LRP2: variants seen among roughly 807,000 people sequenced by gnomAD.
LRP2 encodes low-density lipoprotein receptor-related protein 2.
LRP2 carries 172 observed loss-of-function variants against 531.0 expected under a neutral mutation model. The ratio of observed to expected loss-of-function variants is 0.32; its 90% CI spans 0.29 to 0.37. The LOEUF is 0.37. LRP2 is among the 10% of genes least tolerant of loss of function. The pLI, the probability that LRP2 is intolerant of heterozygous loss-of-function variation, is 1.00. For missense variants in LRP2, 5,167 were observed against 5,868.3 expected (o/e 0.88, Z 3.90); for synonymous variants, 1,992 against 2,027.6 (o/e 0.98, Z 0.47).
At chr2:169,360,147 AAGAGAG>A (rs1188079646) in intron 1 of LRP2, among the ~76,000 whole-genome samples, 10 of 44,026 alleles carry the variant, frequency 2.3e-4, no homozygotes, top group Admixed American at 3.0e-4. Context: ...AAAAAAAAAA[AAGAGAG>A]AGAGAGAGAG....
intron 49 of LRP2, among the ~76,000 whole-genome samples, 191 bp downstream of exon 49, chr2:169,187,779 T>C (rs1687683853): frequency 6.6e-6 from 1 of 152,194 alleles, no homozygotes; most frequent in Admixed American, 6.5e-5. Flanking sequence ...AAGCAAAGAA[T>C]TGGTCCAAAA....
chr2:169,285,834 A>C (rs997404621), intron 9 of LRP2, among the ~76,000 whole-genome samples: 1 of 152,222 alleles, frequency 6.6e-6, no homozygotes, highest in African/African-American at 2.4e-5. Context: ...AGAAAGACAC[A>C]AGATTTCGTG....
chr2:169,334,050 T>C (rs1481716336), intron 1 of LRP2, among the ~76,000 whole-genome samples: 1 of 152,222 alleles, frequency 6.6e-6, no homozygotes, highest in Non-Finnish European at 1.5e-5. Flanking sequence ...GATGAATTTA[T>C]AATGTCCCCA....
intron 16 of LRP2, among the ~76,000 whole-genome samples, chr2:169,261,187 C>A (rs891694612): frequency 4.0e-5 from 6 of 151,778 alleles, no homozygotes; most frequent in Non-Finnish European, 8.8e-5. Context: ...GGGTAAGTTG[C>A]ATATTTTTTA....
chr2:169,333,060 T>C (rs1462952985), intron 1 of LRP2, among the ~76,000 whole-genome samples: 3 of 152,284 alleles, frequency 2.0e-5, no homozygotes, highest in Non-Finnish European at 4.4e-5. Context: ...TTTCCAACAA[T>C]AAGTTTAAAA....
intron 21 of LRP2, among the ~76,000 whole-genome samples, chr2:169,246,162 A>AT (rs1559038304): frequency 6.6e-6 from 1 of 151,642 alleles, no homozygotes; most frequent in Non-Finnish European, 1.5e-5. Flanking sequence ...TTATATACAT[A>AT]TTTTTTTCTG....
chr2:169,259,192 C>A lies in LRP2; in HGVS notation c.2346G>T (p.Arg782Ser). Residue 782 changes from arginine (R) to serine (S), a missense_variant, in exon 17 of 79, where the codon AGG becomes AGT. Physicochemically the swap from Arg to Ser is moderately radical, Grantham distance 110. This residue lies in a region of LRP2 where 2,811 missense variants were observed against 3,058.0 expected (regional missense o/e 0.92). Transcript: ENST00000649046. The part of the protein sequence containing the change: ...GTGREILAAN[R>S]VENVESLAFD... ...AAGCCAAACTTTCAACATTTTCCAC[C>A]CTGTTAGCTGCGAGAATTTCTCTTC... 1 of 1,613,112 alleles carries A rather than the reference C, an allele frequency of 6.2e-7. No homozygotes were observed. Among genetic ancestry groups the A allele is most frequent in the Non-Finnish European group, 8.5e-7 (1 of 1,179,438 alleles).
chr2:169,291,117 C>T (rs1683987945), intron 7 of LRP2, 120 bp from the exon 8 acceptor site: 1 of 844,304 alleles, frequency 1.2e-6, no homozygotes. Context: ...AAATGATCTA[C>T]ATTTTACAAT....
chr2:169,128,777 C>G lies in LRP2; in HGVS notation c.13854G>C (p.Ser4618=). The change falls in exon 79 of 79, where the codon TCG becomes TCC. Residue 4618 remains serine, a synonymous_variant. Transcript: ENST00000649046. ...SVAATPPPSP[S]LPAKPKPPSR... ...AAGGAGGCTTAGGCTTAGCAGGGAG[C>G]GAAGGTGATGGAGGTGGTGTCGCAG... 6.2e-7 allele frequency: 1 copy of G among 1,613,958 alleles called. No homozygotes were observed. Among genetic ancestry groups the G allele is most frequent in the South Asian group, 1.1e-5 (1 of 91,072 alleles).
At chr2:169,264,030 G>A (rs1487134274) in intron 16 of LRP2, among the ~76,000 whole-genome samples, 50 of 152,124 alleles carry the variant, frequency 3.3e-4, no homozygotes, top group Non-Finnish European at 2.6e-4. Context: ...CTCACTCATA[G>A]GTGGGAATTG....
At chr2:169,303,125 G>A (rs928127644) in intron 4 of LRP2, among the ~76,000 whole-genome samples, 4 of 152,022 alleles carry the variant, frequency 2.6e-5, no homozygotes, top group Admixed American at 2.0e-4. Context: ...GTTCATCATT[G>A]ATGTAATTGA....
At chr2:169,247,339 C>CG in intron 20 of LRP2, 39 bp downstream of exon 20, 2 of 1,609,908 alleles carry the variant, frequency 1.2e-6, no homozygotes. Context: ...TAAATAAACC[C>CG]ATACAAAAAA....
At position 169,341,126 on chromosome 2, in the gene LRP2, G is replaced by T. The variant is rs560427468; in HGVS notation, c.80-20242C>A. Among the ~76,000 whole-genome samples the T allele has an allele frequency of 3.8e-4, 58 of 152,296 alleles. No homozygotes were observed. The Middle Eastern group carries it at 0.014, about 36-fold the overall frequency. On this transcript the variant is annotated intron_variant, in intron 1 of 78. Coordinates refer to ENST00000649046, the MANE Select transcript of LRP2 (RefSeq NM_004525.3). ...ATCAAGAAAGGTCCTGTAGAGAAAG[G>T]TGCATTTAAGCTACAGATAGATGGA...
At chr2:169,244,646 T>C (rs116792402) in intron 22 of LRP2, 47 bp downstream of exon 22, 1 of 1,613,402 alleles carries the variant, frequency 6.2e-7, no homozygotes, top group Admixed American at 1.7e-5. Context: ...GTTGTTGAAG[T>C]CTATTTACGA....
At chr2:169,212,322 A>G in intron 36 of LRP2, 115 bp from the exon 37 acceptor site, 2 of 1,325,638 alleles carry the variant, frequency 1.5e-6, no homozygotes, top group South Asian at 1.2e-5. Context: ...TAACCAACAT[A>G]TAGTAGCTGA....
At chr2:169,295,734 A>G (rs977352225) in intron 4 of LRP2, among the ~76,000 whole-genome samples, 2 of 152,188 alleles carry the variant, frequency 1.3e-5, no homozygotes, top group African/African-American at 4.8e-5. Context: ...AGAAATGTTC[A>G]ATGTTGCTAT....
At chr2:169,221,568 ATGTC>A (rs1688998978) in intron 33 of LRP2, among the ~76,000 whole-genome samples, 1 of 152,206 alleles carries the variant, frequency 6.6e-6, no homozygotes, top group African/African-American at 2.4e-5. Context: ...AAATTAGAAA[ATGTC>A]TGTTGATTTT....
chr2:169,137,511 AAGAGAGAGAGAGAGAGAGAGAGAAAC>A lies in LRP2; in HGVS notation c.13519-44_13519-19del, dbSNP rs1685557429. 1 of 1,275,218 alleles carries A rather than the reference AAGAGAGAGAGAGAGAGAGAGAGAAAC, an allele frequency of 7.8e-7. No individual in the cohort carries two copies. The highest frequency in any genetic ancestry group is 1.1e-6 in the Non-Finnish European group (1 of 879,046). 79.0% of individuals were successfully genotyped at this position (1,275,218 alleles called of 1,614,324 possible). A position where few individuals can be genotyped will look rare whatever the true frequency, so the allele number is the denominator to read the frequency against. On this transcript the variant is annotated intron_variant, in intron 75 of 78. Coordinates refer to ENST00000649046, the MANE Select transcript of LRP2 (RefSeq NM_004525.3). ...TCTTCACTCTGATGGCAGAGACAGA[AAGAGAGAGAGAGAGAGAGAGAGAAAC>A]AGAGAGAGAGATTACACCATACTAA...
Position 169,172,055 on chromosome 2 carries a change from C to A in LRP2, c.11223G>T (p.Gly3741=). The A allele has an allele frequency of 6.2e-7, 1 of 1,614,144 alleles. No homozygotes were observed. Among genetic ancestry groups the A allele is most frequent in the Admixed American group, 1.7e-5 (1 of 60,022 alleles). ...CTGAGTTATCTCCACAGTCATTTTG[C>A]CCATCACACTGCCAACGAAGAGGGA... The part of the protein sequence containing the change: ...HCIPLRWQCD[G]QNDCGDNSDE... Residue 3741 remains glycine (G), a synonymous_variant, in exon 58 of 79, where the codon GGG becomes GGT. Coordinates refer to ENST00000649046, the MANE Select transcript of LRP2 (RefSeq NM_004525.3).
Sources: gnomAD v4.1 joint callset for allele counts (sites outside exome capture counted in the v4.1 genomes callset) on GRCh38, gnomAD v4.1.1 for gene constraint, gnomAD v4.1.1 regional missense constraint, MANE v1.5 for transcripts, NCBI Gene and HGNC (gene_info 2026-07-23, HGNC 2026-07-21) for gene names.